The following SMYD3 variants were observed in gnomAD, a reference collection of about 807,000 sequenced individuals.
SMYD3 encodes the protein SET and MYND domain containing 3.
SMYD3 carries 36 observed loss-of-function variants against 57.7 expected under a neutral mutation model. That is an observed-to-expected ratio of 0.62 (90% CI 0.48 to 0.82). The LOEUF is 0.82. Among genes scored for constraint, SMYD3 ranks in the 40% least tolerant of loss-of-function variants. SMYD3 has a pLI of 0.00. For missense variants in SMYD3, 515 were observed against 538.8 expected (o/e 0.96, Z 0.44); for synonymous variants, 211 against 195.0 (o/e 1.08, Z -0.68).
chr1:246,310,566 C>G (rs1048717588), intron 5 of SMYD3, among the ~76,000 whole-genome samples: 2 of 150,238 alleles, frequency 1.3e-5, no homozygotes, highest in Admixed American at 6.7e-5. Flanking sequence ...CATGTTTAAA[C>G]GAAATTTGCC....
chr1:246,337,738 T>A (rs2065567956), intron 2 of SMYD3, among the ~76,000 whole-genome samples: 1 of 152,170 alleles, frequency 6.6e-6, no homozygotes, highest in South Asian at 2.1e-4. Context: ...AAGAGCAGAT[T>A]TTAATCAATG....
intron 4 of SMYD3, among the ~76,000 whole-genome samples, chr1:246,328,738 G>A (rs2148663277): frequency 6.6e-6 from 1 of 150,940 alleles, no homozygotes; most frequent in Admixed American, 6.6e-5. Context: ...TGTGCACAAT[G>A]TGCAGGTTAG....
rs187249986 is a variant in SMYD3, at chr1:245,852,510, G to A, written c.1076+5986C>T. Among the ~76,000 whole-genome samples, 291 of 152,280 alleles carry A rather than the reference G, an allele frequency of 1.9e-3. 1 individual carries two copies. Among genetic ancestry groups the A allele is most frequent in the African/African-American group, 6.3e-3 (261 of 41,552 alleles). On this transcript the variant is annotated intron_variant, in intron 10 of 11. Transcript: ENST00000490107. ...CAAGAAAAGAAGAGCCAGAGAAATC[G>A]GTCATAATGTTCTCCATTACCTCCT...
At chr1:246,012,073 C>T (rs530445208) in intron 5 of SMYD3, among the ~76,000 whole-genome samples, 1 of 152,266 alleles carries the variant, frequency 6.6e-6, no homozygotes, top group African/African-American at 2.4e-5. Context: ...ACTGCTTGCT[C>T]GATGACTGAA....
chr1:246,107,210 C>G (rs2061145451), intron 5 of SMYD3, among the ~76,000 whole-genome samples: 1 of 151,302 alleles, frequency 6.6e-6, no homozygotes, highest in Non-Finnish European at 1.5e-5. Context: ...TGGTGTGAAC[C>G]TGGGAGGCGG....
intron 5 of SMYD3, among the ~76,000 whole-genome samples, chr1:246,147,332 G>C (rs2061864911): frequency 1.3e-5 from 2 of 152,192 alleles, no homozygotes; most frequent in South Asian, 4.1e-4. Flanking sequence ...CATAGGTCCA[G>C]CCAGGGGAGC....
intron 5 of SMYD3, among the ~76,000 whole-genome samples, chr1:245,958,805 G>C (rs1271197877): frequency 1.3e-5 from 2 of 152,232 alleles, no homozygotes; most frequent in African/African-American, 4.8e-5. Flanking sequence ...TCAAAGGGTA[G>C]TATATCTGGG....
chr1:246,448,807 G>C (rs979924591), intron 1 of SMYD3, among the ~76,000 whole-genome samples: 3 of 149,834 alleles, frequency 2.0e-5, no homozygotes, highest in Non-Finnish European at 4.4e-5. Context: ...GGACCAACCA[G>C]AGAAAGCCAA....
chr1:246,463,600 G>A (rs1290094605), intron 1 of SMYD3, among the ~76,000 whole-genome samples: 1 of 145,434 alleles, frequency 6.9e-6, no homozygotes, highest in Admixed American at 7.0e-5. Context: ...GGCGGATCAC[G>A]AGGTCAGGAG....
intron 5 of SMYD3, among the ~76,000 whole-genome samples, chr1:246,210,575 T>C (rs1469296523): frequency 6.6e-6 from 1 of 151,958 alleles, no homozygotes; most frequent in African/African-American, 2.4e-5. Flanking sequence ...CTGGGCGTGG[T>C]TGCGGGCACC....
chr1:245,788,884 T>A (rs909281109), intron 10 of SMYD3: 20 of 152,248 alleles, frequency 1.3e-4, no homozygotes, highest in African/African-American at 4.6e-4. Context: ...ACTCTAATTA[T>A]GTGCCAAGTG....
chr1:246,225,921 G>A (rs1018510087), intron 5 of SMYD3, among the ~76,000 whole-genome samples: 3 of 152,188 alleles, frequency 2.0e-5, no homozygotes, highest in Admixed American at 2.0e-4. Context: ...GATGTAAGAT[G>A]CTCTTCTAAC....
intron 5 of SMYD3, among the ~76,000 whole-genome samples, chr1:246,215,943 C>A (rs748502690): frequency 1.3e-4 from 20 of 152,038 alleles, no homozygotes; most frequent in Non-Finnish European, 2.6e-4. Flanking sequence ...GTCAATAACT[C>A]ACAAGGAAAC....
intron 5 of SMYD3, among the ~76,000 whole-genome samples, chr1:246,160,191 C>G (rs1319023264): frequency 6.6e-6 from 1 of 152,128 alleles, no homozygotes; most frequent in Non-Finnish European, 1.5e-5. Context: ...AAATCCATTC[C>G]GGTTATTACC....
intron 1 of SMYD3, among the ~76,000 whole-genome samples, chr1:246,428,627 G>A (rs1182695025): frequency 6.6e-6 from 1 of 152,222 alleles, no homozygotes; most frequent in Non-Finnish European, 1.5e-5. Context: ...TTAGTGAGTA[G>A]CAGAGCTGGC....
At chr1:246,335,174 C>G (rs1029846868) in intron 3 of SMYD3, among the ~76,000 whole-genome samples, 193 bp downstream of exon 3, 1 of 152,016 alleles carries the variant, frequency 6.6e-6, no homozygotes, top group Non-Finnish European at 1.5e-5. Context: ...TAATAGACTA[C>G]GGTATAATGT....
chr1:246,417,049 T>C (rs1879438), intron 1 of SMYD3, among the ~76,000 whole-genome samples: 1 of 151,936 alleles, frequency 6.6e-6, no homozygotes, highest in Non-Finnish European at 1.5e-5. Flanking sequence ...TTCAACTGCA[T>C]AATACAACAA....
intron 10 of SMYD3, among the ~76,000 whole-genome samples, chr1:245,801,217 A>T (rs748877676): frequency 6.6e-6 from 1 of 152,232 alleles, no homozygotes; most frequent in Admixed American, 6.5e-5. Flanking sequence ...AAATAGCTAA[A>T]CTTTTAAAAA....
At chr1:245,978,572 G>T (rs773278209) in intron 5 of SMYD3, among the ~76,000 whole-genome samples, 1 of 152,146 alleles carries the variant, frequency 6.6e-6, no homozygotes, top group Non-Finnish European at 1.5e-5. Context: ...GCGGGAGGGC[G>T]GGGGGCAGAG....
Sources: gnomAD v4.1 joint callset for allele counts (sites outside exome capture counted in the v4.1 genomes callset) on GRCh38, gnomAD v4.1.1 for gene constraint, MANE v1.5 for transcripts, NCBI Gene and HGNC (gene_info 2026-07-23, HGNC 2026-07-21) for gene names.